Variants in IL34 observed in about 807,000 individuals in gnomAD.
IL34 encodes interleukin-34.
Under a neutral mutation model 25.3 loss-of-function variants are expected in IL34, and 17 were observed. That is an observed-to-expected ratio of 0.67 (90% confidence interval 0.46 to 1.01). The LOEUF (loss-of-function observed/expected upper bound fraction) is 1.01. Ranked by LOEUF, IL34 falls within the 50% of genes least tolerant of loss-of-function variation. IL34 has a pLI of 0.00. For missense variants in IL34, 368 were observed against 312.9 expected, an observed-to-expected ratio of 1.18 and a Z score of -1.33; for synonymous variants, 174 against 140.9, an observed-to-expected ratio of 1.23 and a Z score of -1.66.
chr16:70,626,368 A>G (rs891972971), intron 1 of IL34, among the ~76,000 whole-genome samples: 1 of 152,128 alleles, frequency 6.6e-6, no homozygotes, highest in African/African-American at 2.4e-5. Flanking sequence ...CCACTTTAAG[A>G]AAACACGATG....
intron 1 of IL34, among the ~76,000 whole-genome samples, chr16:70,592,458 C>A (rs2050767311): frequency 6.6e-6 from 1 of 152,058 alleles, no homozygotes; most frequent in African/African-American, 2.4e-5. Flanking sequence ...TTAACCCAAC[C>A]CTGGAAGGTG....
chr16:70,634,070 C>G (rs1176622490), intron 1 of IL34, among the ~76,000 whole-genome samples: 2 of 151,928 alleles, frequency 1.3e-5, no homozygotes, highest in Non-Finnish European at 2.9e-5. Context: ...AGGCTAGTCT[C>G]AAACACCTGA....
intron 1 of IL34, among the ~76,000 whole-genome samples, chr16:70,597,552 G>C (rs941730794): frequency 3.9e-5 from 6 of 152,186 alleles, no homozygotes; most frequent in Non-Finnish European, 7.3e-5. Context: ...TTTAGTTCTT[G>C]TTACAAATTG....
intron 1 of IL34, among the ~76,000 whole-genome samples, chr16:70,630,918 A>C (rs1010259941): frequency 6.6e-5 from 10 of 152,274 alleles, no homozygotes; most frequent in Middle Eastern, 3.4e-3. Flanking sequence ...GTTTGCTTCC[A>C]AATCTTGGCT....
Position 70,659,743 on chromosome 16 carries a change from C to G in IL34, c.528C>G (p.Tyr176Ter). Reference protein sequence around the residue: ...DNCFRVMELLYCSCCKQSSVL... With the variant: ...DNCFRVMELL The stretch of plus-strand genomic sequence containing the variant: ...GCTTCCGGGTCATGGAGCTGCTGTA[C>G]TGCTCCTGCTGTAAGGAGCTCTCAG... Residue 176 changes from tyrosine to a stop codon, truncating the protein, a stop_gained, in exon 5 of 6, where the codon TAC becomes TAG. Transcript: ENST00000288098. LOFTEE classifies it low-confidence loss of function (END_TRUNC). 6.2e-7 allele frequency: 1 copy of G among 1,600,800 alleles called. No individual in the cohort carries two copies. Among genetic ancestry groups the G allele is most frequent in the South Asian group, 1.1e-5 (1 of 90,386 alleles).
chr16:70,644,083 T>C (rs2051849430), upstream of IL34, among the ~76,000 whole-genome samples: 1 of 152,220 alleles, frequency 6.6e-6, no homozygotes, highest in Non-Finnish European at 1.5e-5. Context: ...CCAGTGATTC[T>C]GCTGCCTCAG....
chr16:70,650,483 G>C (rs2052051961), intron 1 of IL34, among the ~76,000 whole-genome samples: 1 of 152,172 alleles, frequency 6.6e-6, no homozygotes, highest in Admixed American at 6.5e-5. Flanking sequence ...GGGTCCCCAG[G>C]GCCCCAGAAC....
intron 1 of IL34, among the ~76,000 whole-genome samples, chr16:70,624,387 A>C (rs1007549810): frequency 6.6e-6 from 1 of 152,086 alleles, no homozygotes; most frequent in Non-Finnish European, 1.5e-5. Flanking sequence ...GTTACTGTAC[A>C]CCTTGAAGGT....
chr16:70,614,067 C>T (rs547685147), intron 1 of IL34, among the ~76,000 whole-genome samples: 8 of 151,756 alleles, frequency 5.3e-5, no homozygotes, highest in African/African-American at 1.7e-4. Flanking sequence ...GCCTGTAGCC[C>T]CAGCTACTCA....
At chr16:70,657,300 G>C in intron 4 of IL34, 179 bp downstream of exon 4, 118 of 628,138 alleles carry the variant, frequency 1.9e-4, no homozygotes, top group Non-Finnish European at 2.5e-4. Context: ...GTGGAAGGAA[G>C]AGGCAGCCGT....
At chr16:70,622,919 A>T (rs111309991) in intron 1 of IL34, among the ~76,000 whole-genome samples, 4,392 of 152,156 alleles carry the variant, frequency 0.029, 243 homozygotes, top group African/African-American at 0.1. Flanking sequence ...CATTAAGGTC[A>T]AATTGTTTGG....
At chr16:70,651,624 G>A (rs1193112212) in intron 1 of IL34, among the ~76,000 whole-genome samples, 1 of 152,124 alleles carries the variant, frequency 6.6e-6, no homozygotes, top group African/African-American at 2.4e-5. Context: ...TAGCAAATGG[G>A]TGGTGTGGCC....
chr16:70,612,062 C>T (rs1196726710), intron 1 of IL34, among the ~76,000 whole-genome samples: 2 of 152,156 alleles, frequency 1.3e-5, no homozygotes, highest in South Asian at 2.1e-4. Context: ...TTGAGGTTCC[C>T]TCCCTTCATT....
In IL34 at chr16:70,646,770, G is replaced by GCTGCTGCCCTTGGGGCAC. The variant is rs376027935; in HGVS notation, c.-172_-155dup. 29 of 560,764 alleles carry GCTGCTGCCCTTGGGGCAC rather than the reference G, an allele frequency of 5.2e-5. No homozygotes were observed. The highest frequency in any genetic ancestry group is 7.2e-5 in the Non-Finnish European group (24 of 332,726). The allele number at this position is 560,764 out of a possible 1,614,324, so 34.7% of individuals were successfully genotyped here. A position where few individuals can be genotyped will look rare whatever the true frequency, so the allele number is the denominator to read the frequency against. ...CCACGCTGCCGGGCAGATAAGGGCAGCTGCTGCCCTTGGGGCACCTGCTCA... is the reference window on the plus strand; with the variant it reads ...CCACGCTGCCGGGCAGATAAGGGCAGCTGCTGCCCTTGGGGCACCTGCTGCCCTTGGGGCACCTGCTCA... On this transcript the variant is annotated 5_prime_UTR_variant, in exon 1 of 6. Coordinates refer to ENST00000288098, the MANE Select transcript of IL34 (RefSeq NM_001393494.1).
intron 1 of IL34, among the ~76,000 whole-genome samples, chr16:70,618,817 A>G (rs1597750259): frequency 1.3e-5 from 2 of 152,228 alleles, no homozygotes; most frequent in South Asian, 2.1e-4. Context: ...GATTGAAGTA[A>G]TGGGGGCTGT....
intron 1 of IL34, among the ~76,000 whole-genome samples, chr16:70,597,525 T>C (rs1371567716): frequency 6.6e-6 from 1 of 152,232 alleles, no homozygotes; most frequent in African/African-American, 2.4e-5. Flanking sequence ...TGTGAGCCAC[T>C]GCCTCTAGCC....
rs3813905 is a variant in IL34, at chr16:70,646,947, C to G, written c.-1C>G. On this transcript the variant is annotated 5_prime_UTR_variant, in exon 1 of 6. Coordinates refer to ENST00000288098, the MANE Select transcript of IL34 (RefSeq NM_001393494.1). ...CTCTCAGGGGGACGAGGAACACCAC[C>G]ATGCCCCGGGGCTTCACCTGGCTGC... 0.34 allele frequency: 493,197 copies of G among 1,470,958 alleles called. 85,092 individuals carry two copies. The highest frequency in any genetic ancestry group is 0.46 in the South Asian group (32,601 of 70,926). 91.1% of individuals were successfully genotyped at this position (1,470,958 alleles called of 1,614,324 possible). A position where few individuals can be genotyped will look rare whatever the true frequency, so the allele number is the denominator to read the frequency against.
At chr16:70,656,787 C>A in intron 3 of IL34, 108 bp downstream of exon 3, 1 of 972,294 alleles carries the variant, frequency 1.0e-6, no homozygotes, top group South Asian at 1.3e-5. Flanking sequence ...GGCCTGGGGC[C>A]TCTCCTCAGC....
chr16:70,612,619 G>A (rs985822546), intron 1 of IL34, among the ~76,000 whole-genome samples: 4 of 152,354 alleles, frequency 2.6e-5, no homozygotes, highest in Non-Finnish European at 5.9e-5. Flanking sequence ...GAAAGTGCTT[G>A]TTAACCCACA....
Sources: gnomAD v4.1 joint callset for allele counts (sites outside exome capture counted in the v4.1 genomes callset) on GRCh38, gnomAD v4.1.1 for gene constraint, MANE v1.5 for transcripts, NCBI Gene and HGNC (gene_info 2026-07-23, HGNC 2026-07-21) for gene names.